The following TAF6 variants were observed in gnomAD, a reference collection of about 807,000 sequenced individuals.
The protein encoded by TAF6 is transcription initiation factor TFIID subunit 6.
A neutral mutation model predicts 73.5 loss-of-function variants in TAF6; 50 were observed. That is an observed-to-expected ratio of 0.68 (90% CI 0.54 to 0.86). The LOEUF (loss-of-function observed/expected upper bound fraction) is 0.86, where lower values mean the gene tolerates loss of function less well. TAF6 is among the 40% of genes least tolerant of loss of function. The probability of loss-of-function intolerance (pLI) is 0.00; values close to 1 mark genes in which losing one functional copy is unlikely to be tolerated. For synonymous variants in TAF6, 424 were observed against 376.7 expected, an observed-to-expected ratio of 1.13 and a Z score of -1.45; for missense variants, 768 against 899.5, an observed-to-expected ratio of 0.85 and a Z score of 1.87.
intron 1 of TAF6, among the ~76,000 whole-genome samples, chr7:100,117,912 A>G (rs1243581094): frequency 6.6e-6 from 1 of 152,036 alleles, no homozygotes; most frequent in Non-Finnish European, 1.5e-5. Context: ...GCATGGTGGC[A>G]GGCACCTATA....
At chr7:100,121,864 C>T (rs552630256), upstream of TAF6, among the ~76,000 whole-genome samples, 12 of 148,992 alleles carry the variant, frequency 8.1e-5, no homozygotes, top group South Asian at 4.3e-4. Context: ...TCCTGGCTAA[C>T]ACGGTGAAAC....
At chr7:100,120,065 T>C, upstream of TAF6, 1 of 469,236 alleles carries the variant, frequency 2.1e-6, no homozygotes, top group Non-Finnish European at 3.7e-6. Flanking sequence ...AGAGCCTGCA[T>C]TTTTTTGGCT....
Position 100,112,842 on chromosome 7 carries a change from G to A in TAF6, c.530C>T (p.Pro177Leu), listed in dbSNP as rs773620496. Residue 177 changes from proline (P) to leucine (L), a missense_variant, in exon 6 of 15, where the codon CCC becomes CTC. By Grantham distance (98) the Pro-to-Leu change is moderately conservative. Coordinates refer to ENST00000453269, the MANE Select transcript of TAF6 (RefSeq NM_139315.3). ...GGCCCCTTGACCTTTGCCCTTCAGG[G>A]GTCCGTCTTCCTCCTGGCCTGGCTT... is the stretch of plus-strand genomic sequence containing the variant. Reference protein sequence around the residue: ...SAKPGQEEDGPLKGKGQGATT... With the variant: ...SAKPGQEEDGLLKGKGQGATT... The A allele has an allele frequency of 3.7e-6, 6 of 1,614,000 alleles. No individual in the cohort carries two copies. The South Asian group carries it at 6.6e-5, about 18-fold the overall frequency.
In TAF6 at chr7:100,107,195, C is replaced by T. The variant is rs373645576; in HGVS notation, c.*51G>A. On this transcript the variant is annotated 3_prime_UTR_variant, in exon 15 of 15. Transcript: ENST00000453269. ...GCGAGCATGCATGTGTGTACGTGCA[C>T]GTGTGTACATGTCTGCATGTGTGGG... 448 of 1,519,110 alleles carry T rather than the reference C, an allele frequency of 2.9e-4. 9 individuals are homozygous for T. The South Asian group carries it at 5.0e-3, about 17-fold the overall frequency. 94.1% of individuals were successfully genotyped at this position (1,519,110 alleles called of 1,614,324 possible). A position where few individuals can be genotyped will look rare whatever the true frequency, so the allele number is the denominator to read the frequency against.
intron 1 of TAF6, chr7:100,118,828 C>G: frequency 1.0e-6 from 1 of 984,780 alleles, no homozygotes; most frequent in Non-Finnish European, 1.2e-6. Flanking sequence ...CTGATCTCCT[C>G]CCCGACTTTT....
rs533770435 is a variant in TAF6 at position 100,107,691 on chromosome 7, C to T, written c.1657-68G>A. ...CTGCCCCCCAGAGGCCTGGCGAGGA[C>T]GCTTCACTCGCTCCCTGCCTGAACA... On this transcript the variant is annotated intron_variant, in intron 14 of 14. Coordinates refer to ENST00000453269, the MANE Select transcript of TAF6 (RefSeq NM_139315.3). 206 of 1,567,224 alleles carry T rather than the reference C, an allele frequency of 1.3e-4. No individual in the cohort carries two copies. In the African/African-American group the frequency reaches 1.7e-3, roughly 13 times the overall value.
intron 1 of TAF6, chr7:100,118,862 C>T: frequency 1.0e-6 from 1 of 985,320 alleles, no homozygotes; most frequent in Non-Finnish European, 1.2e-6. Flanking sequence ...ATAGGGAACA[C>T]AACTATTCGA....
At position 100,108,378 on chromosome 7, in the gene TAF6, T is replaced by C; in HGVS notation, c.1447A>G (p.Thr483Ala). The change falls in exon 13 of 15, where the codon ACC becomes GCC. Residue 483 changes from threonine (T) to alanine (A), a missense_variant. Physicochemically the swap from Thr to Ala is moderately conservative, Grantham distance 58. Coordinates refer to ENST00000453269, the MANE Select transcript of TAF6 (RefSeq NM_139315.3). ...ACCCGGCCACGGACCTGCGTGATGGTCAGAGTGGTCCTGTTGACCTGCTGA... is the reference window on the plus strand; with the variant it reads ...ACCCGGCCACGGACCTGCGTGATGGCCAGAGTGGTCCTGTTGACCTGCTGA... ...QAQQVNRTTL[T>A]ITQPRPTLTL... 6.2e-7 allele frequency: 1 copy of C among 1,606,214 alleles called. No homozygotes were observed.
At chr7:100,119,895 C>T (rs1797978056), upstream of TAF6, 1 of 1,549,356 alleles carries the variant, frequency 6.5e-7, no homozygotes. Context: ...ATAGGCATCG[C>T]CCGGCCACAC....
At position 100,111,824 on chromosome 7, in the gene TAF6, A is replaced by G. The variant is rs1321282336; in HGVS notation, c.804T>C (p.Arg268=). ...CCAGGTTGTTCTGAACCACGTTCAC[A>G]CGGACCTGTGGGAGGGAGAAGTGCT... The part of the protein sequence containing the change: ...RFSTFISEGV[R]VNVVQNNLAL... Residue 268 remains arginine, a synonymous_variant, in exon 9 of 15, where the codon CGT becomes CGC. Transcript: ENST00000453269. 1 of 1,614,108 alleles carries G rather than the reference A, an allele frequency of 6.2e-7. No individual in the cohort carries two copies. Among genetic ancestry groups the G allele is most frequent in the African/African-American group, 1.3e-5 (1 of 74,940 alleles).
Position 100,107,093 on chromosome 7 carries a change from T to C in TAF6, c.*153A>G. 1.5e-6 allele frequency: 2 copies of C among 1,310,180 alleles called. No homozygotes were observed. Among genetic ancestry groups the C allele is most frequent in the Non-Finnish European group, 2.1e-6 (2 of 970,310 alleles). 81.2% of individuals were successfully genotyped at this position (1,310,180 alleles called of 1,614,324 possible). The stretch of plus-strand genomic sequence containing the variant: ...GATCAGAACTTACAAACCAAACTTT[T>C]ATTCTGAGAAACTGGCTGTACAATA... On this transcript the variant is annotated 3_prime_UTR_variant, in exon 15 of 15. Transcript: ENST00000453269.
At chr7:100,114,990 G>A (rs1451824880) in intron 1 of TAF6, among the ~76,000 whole-genome samples, 1 of 152,224 alleles carries the variant, frequency 6.6e-6, no homozygotes, top group African/African-American at 2.4e-5. Context: ...CCAAGTAGCT[G>A]GGACTATAGG....
In TAF6 at chr7:100,111,997, T is replaced by C; in HGVS notation, c.723A>G (p.Glu241=). The change falls in exon 8 of 15, where the codon GAA becomes GAG. Residue 241 remains glutamate, a splice_region_variant and synonymous_variant. Coordinates refer to ENST00000453269, the MANE Select transcript of TAF6 (RefSeq NM_139315.3). Reference sequence around the variant, plus strand: ...GGTCCGTGGCAATGCTTTGCAGGGCTTCCTGTGGGAGGAGGGAAGCCAGTC... The same window carrying C: ...GGTCCGTGGCAATGCTTTGCAGGGCCTCCTGTGGGAGGAGGGAAGCCAGTC... The part of the protein sequence containing the change: ...CVGSCEAKRA[E]ALQSIATDPG... The C allele has an allele frequency of 6.2e-7, 1 of 1,614,042 alleles. No individual in the cohort carries two copies. The highest frequency in any genetic ancestry group is 8.5e-7 in the Non-Finnish European group (1 of 1,179,966).
chr7:100,126,046 T>C, the TAF6 span, among the ~76,000 whole-genome samples: 5 of 151,730 alleles, frequency 3.3e-5, no homozygotes, highest in Non-Finnish European at 5.9e-5. Context: ...ATTAGCCGGG[T>C]GTGGTGGCAG....
At chr7:100,119,664 G>C (rs1292648412), upstream of TAF6, 1 of 1,611,464 alleles carries the variant, frequency 6.2e-7, no homozygotes, top group Admixed American at 1.7e-5. Context: ...GTTGCCGCTA[G>C]CCGCCTGGGA....
intron 5 of TAF6, 48 bp from the exon 6 acceptor site, chr7:100,112,965 A>G: frequency 6.3e-7 from 1 of 1,579,222 alleles, no homozygotes; most frequent in Non-Finnish European, 8.6e-7. Context: ...CATAGTAGAA[A>G]AGTAAAAGGT....
rs556532433 is a variant in TAF6 at position 100,107,164 on chromosome 7, C to T, written c.*82G>A. ...AAGGAAGCAATCTACAACTTCCTTC[C>T]GCTTAGCGAGCATGCATGTGTGTAC... On this transcript the variant is annotated 3_prime_UTR_variant, in exon 15 of 15. Coordinates refer to ENST00000453269, the MANE Select transcript of TAF6 (RefSeq NM_139315.3). The T allele has an allele frequency of 3.3e-5, 50 of 1,503,036 alleles. No homozygotes were observed. The African/African-American group carries it at 4.5e-4, about 13-fold the overall frequency. 93.1% of individuals were successfully genotyped at this position (1,503,036 alleles called of 1,614,324 possible). A position where few individuals can be genotyped will look rare whatever the true frequency, so the allele number is the denominator to read the frequency against.
In TAF6 at chr7:100,108,465, A is replaced by C. The variant is rs758617159; in HGVS notation, c.1360T>G (p.Ser454Ala). ...NQDAYRAEFG[S>A]LGPLLCSQVV... The stretch of plus-strand genomic sequence containing the variant: ...TGGGAGCAGAGGAGGGGCCCAAGGG[A>C]CCCGAATTCTGCCCGATAGGCGTCC... The change falls in exon 13 of 15, where the codon TCC becomes GCC. Residue 454 changes from serine (S) to alanine (A), a missense_variant. Around this residue, in one of 5 missense-constraint regions of TAF6, gnomAD observed 350 missense variants for 352.3 expected, o/e 0.99. Transcript: ENST00000453269. The C allele has an allele frequency of 6.2e-7, 1 of 1,613,846 alleles. No homozygotes were observed.
chr7:100,119,497 T>A, upstream of TAF6: 1 of 1,352,562 alleles, frequency 7.4e-7, no homozygotes, highest in Non-Finnish European at 9.7e-7. Context: ...GAGCACTCCC[T>A]CTTGGTGTAA....
Sources: gnomAD v4.1 joint callset for allele counts (sites outside exome capture counted in the v4.1 genomes callset) on GRCh38, gnomAD v4.1.1 for gene constraint, gnomAD v4.1.1 regional missense constraint, MANE v1.5 for transcripts, NCBI Gene and HGNC (gene_info 2026-07-23, HGNC 2026-07-21) for gene names.